SPG7: variants seen among roughly 807,000 people sequenced by gnomAD.
SPG7 encodes SPG7 matrix AAA peptidase subunit, paraplegin.
A neutral mutation model predicts 81.9 loss-of-function variants in SPG7; 103 were observed. The observed-to-expected ratio is 1.26, with a 90% confidence interval of 1.07 to 1.48. SPG7 has a LOEUF of 1.48. SPG7 is among the 40% of genes most tolerant of loss of function. The pLI is 0.00. For synonymous variants in SPG7, 534 were observed against 444.2 expected (o/e 1.20, Z -2.54); for missense variants, 1,241 against 1,087.3 (o/e 1.14, Z -1.99).
At chr16:89,556,672 T>G in intron 16 of SPG7, 2 of 579,400 alleles carry the variant, frequency 3.5e-6, no homozygotes, top group East Asian at 2.9e-5. Flanking sequence ...GTAGAAAAAT[T>G]AATGAGGCTG....
intron 10 of SPG7, chr16:89,545,435 C>T (rs1056749306): frequency 3.2e-5 from 6 of 186,806 alleles, no homozygotes; most frequent in Non-Finnish European, 5.6e-5. Context: ...GGGCTGGGCT[C>T]AGCGGCTCTC....
chr16:89,537,604 T>C, intron 9 of SPG7: 13 of 931,870 alleles, frequency 1.4e-5, no homozygotes, highest in Non-Finnish European at 1.7e-5. Context: ...CCATCATAGC[T>C]CACTGCAGCC....
Position 89,557,170 on chromosome 16 carries a change from T to C in SPG7, c.*77T>C. 1 of 1,131,770 alleles carries C rather than the reference T, an allele frequency of 8.8e-7. No homozygotes were observed. 70.1% of individuals were successfully genotyped at this position (1,131,770 alleles called of 1,614,324 possible). A position where few individuals can be genotyped will look rare whatever the true frequency, so the allele number is the denominator to read the frequency against. ...CAGCCACCCTGAGTTGCTTTTCAGCTGAGGTTTGCACTTCCTCTCGCGGCC... is the reference window on the plus strand; with the variant it reads ...CAGCCACCCTGAGTTGCTTTTCAGCCGAGGTTTGCACTTCCTCTCGCGGCC... On this transcript the variant is annotated 3_prime_UTR_variant, in exon 17 of 17. Transcript: ENST00000645818.
rs377606565 is a variant in SPG7 at position 89,529,430 on chromosome 16, C to G, written c.759-47C>G. The G allele has an allele frequency of 4.6e-6, 6 of 1,298,108 alleles. No homozygotes were observed. In the African/African-American group the frequency reaches 5.8e-5, roughly 13 times the overall value. 80.4% of individuals were successfully genotyped at this position (1,298,108 alleles called of 1,614,324 possible). On this transcript the variant is annotated intron_variant, in intron 5 of 16. Transcript: ENST00000645818. ...TTCTGATTTGGAAGCCTGCGTCTGTCACGTGACACCGTCTGAGCCTGTGCC... is the reference window on the plus strand; with the variant it reads ...TTCTGATTTGGAAGCCTGCGTCTGTGACGTGACACCGTCTGAGCCTGTGCC...
intron 9 of SPG7, chr16:89,537,265 G>A (rs992454209): frequency 1.5e-5 from 20 of 1,363,064 alleles, no homozygotes; most frequent in African/African-American, 1.4e-4. Flanking sequence ...GGTCCATGGC[G>A]GTGTCCTGCG....
intron 6 of SPG7, chr16:89,529,923 T>G (rs2058317638): frequency 2.9e-6 from 1 of 350,874 alleles, no homozygotes; most frequent in African/African-American, 2.1e-5. Flanking sequence ...CACCGCAACT[T>G]GCACCTCCCG....
intron 15 of SPG7, among the ~76,000 whole-genome samples, chr16:89,554,186 A>G (rs2058665069): frequency 6.6e-6 from 1 of 152,190 alleles, no homozygotes. Flanking sequence ...ATCTGGGAAG[A>G]ATATCAAATA....
At chr16:89,529,658 G>C (rs1325152356) in intron 6 of SPG7, 79 bp downstream of exon 6, 2 of 1,050,024 alleles carry the variant, frequency 1.9e-6, no homozygotes, top group Non-Finnish European at 2.9e-6. Context: ...GCTATACGAT[G>C]AATACACAGG....
At chr16:89,524,338 G>T (rs1440730448) in intron 4 of SPG7, 91 bp downstream of exon 4, 5 of 1,447,806 alleles carry the variant, frequency 3.5e-6, no homozygotes, top group African/African-American at 1.4e-5. Flanking sequence ...GTGAATGAGG[G>T]TGTGGGCGCT....
chr16:89,515,254 T>G (rs2058080891), intron 3 of SPG7, among the ~76,000 whole-genome samples: 1 of 147,304 alleles, frequency 6.8e-6, no homozygotes, highest in Admixed American at 6.8e-5. Flanking sequence ...TTTTTTTTTT[T>G]AACTTTTATT....
chr16:89,530,671 C>T lies in SPG7; in HGVS notation c.862-12C>T. 6.2e-7 allele frequency: 1 copy of T among 1,614,074 alleles called. No homozygotes were observed. The highest frequency in any genetic ancestry group is 8.5e-7 in the Non-Finnish European group (1 of 1,180,008). ...TTCGCCCAGCTCCTTGCACTTTGTTCTTTCTGCACAGAATCAGCTTAAAAT... is the reference window on the plus strand; with the variant it reads ...TTCGCCCAGCTCCTTGCACTTTGTTTTTTCTGCACAGAATCAGCTTAAAAT... On this transcript the variant is annotated splice_polypyrimidine_tract_variant and intron_variant, in intron 6 of 16. Coordinates refer to ENST00000645818, the MANE Select transcript of SPG7 (RefSeq NM_003119.4).
In SPG7 at chr16:89,549,755, G is replaced by A. The variant is rs146035787; in HGVS notation, c.1664-739G>A. On this transcript the variant is annotated intron_variant, in intron 12 of 16. Coordinates refer to ENST00000645818, the MANE Select transcript of SPG7 (RefSeq NM_003119.4). ...AGGATCCAGAAAGTGATGGGGATGG[G>A]AGCTGCGCCTCCAGGTCTGAGGGGA... 281 of 165,124 alleles carry A rather than the reference G, an allele frequency of 1.7e-3. 1 individual carries two copies. The highest frequency in any genetic ancestry group is 6.4e-3 in the African/African-American group (267 of 41,622). 10.2% of individuals were successfully genotyped at this position (165,124 alleles called of 1,614,324 possible). A position where few individuals can be genotyped will look rare whatever the true frequency, so the allele number is the denominator to read the frequency against.
In SPG7 at chr16:89,508,428, TG is replaced by T; in HGVS notation, c.12del (p.Leu5CysfsTer61). The T allele has an allele frequency of 6.7e-7, 1 of 1,492,058 alleles. No individual in the cohort carries two copies. The highest frequency in any genetic ancestry group is 2.2e-5 in the Admixed American group (1 of 46,016). 92.4% of individuals were successfully genotyped at this position (1,492,058 alleles called of 1,614,324 possible). On this transcript the variant is annotated frameshift_variant, in exon 1 of 17. Transcript: ENST00000645818. LOFTEE classifies it high-confidence loss of function. MAV[L>X]LLLLRALRRG... ...GGCTTTCAGGCCAACATGGCCGTGC[TG>T]CTGCTGCTGCTCCGTGCCCTCCGCC...
intron 6 of SPG7, 38 bp from the exon 7 acceptor site, chr16:89,530,645 C>G: frequency 6.2e-7 from 1 of 1,613,976 alleles, no homozygotes; most frequent in Non-Finnish European, 8.5e-7. Context: ...GATTTCCTGA[C>G]TTCGCCCAGC....
chr16:89,546,833 C>G (rs751268706), intron 11 of SPG7, 73 bp downstream of exon 11: 23 of 966,218 alleles, frequency 2.4e-5, no homozygotes, highest in Non-Finnish European at 3.6e-5. Flanking sequence ...CAAACAGCAT[C>G]GAGGCCTCCT....
At chr16:89,534,474 G>C (rs759192162) in intron 9 of SPG7, among the ~76,000 whole-genome samples, 22 of 152,222 alleles carry the variant, frequency 1.4e-4, no homozygotes, top group Admixed American at 2.6e-4. Context: ...TCTCTGCTTT[G>C]TAAGATTTAT....
At chr16:89,540,855 C>T (rs1239839559) in intron 9 of SPG7, 9 of 968,506 alleles carry the variant, frequency 9.3e-6, no homozygotes, top group East Asian at 1.1e-4. Flanking sequence ...TGGGCGCCGA[C>T]GCTCATTTAC....
At chr16:89,527,661 A>G (rs1212215191) in intron 5 of SPG7, among the ~76,000 whole-genome samples, 1 of 152,204 alleles carries the variant, frequency 6.6e-6, no homozygotes, top group African/African-American at 2.4e-5. Flanking sequence ...GGGAGCTGTC[A>G]GCACGTATGG....
chr16:89,553,398 C>T lies in SPG7; in HGVS notation c.1936+263C>T, dbSNP rs193007415. 225 of 544,482 alleles carry T rather than the reference C, an allele frequency of 4.1e-4. 2 individuals carry two copies. In the East Asian group the frequency reaches 7.0e-3, roughly 17 times the overall value. 33.7% of individuals were successfully genotyped at this position (544,482 alleles called of 1,614,324 possible). ...AATTGTTGGTAATGGCTACAGGAAA[C>T]GGAATAAAATTGAAGCGGCTTCATT... On this transcript the variant is annotated intron_variant, in intron 14 of 16. Coordinates refer to ENST00000645818, the MANE Select transcript of SPG7 (RefSeq NM_003119.4).
Sources: allele counts gnomAD v4.1 joint callset (sites outside exome capture counted in the v4.1 genomes callset), GRCh38; gene constraint gnomAD v4.1.1; transcripts MANE v1.5; gene names NCBI Gene and HGNC (gene_info 2026-07-23, HGNC 2026-07-21).